Variants in CLEC3A observed in about 807,000 individuals in gnomAD.
The protein encoded by CLEC3A is C-type lectin domain family 3 member A.
Under a neutral mutation model 20.4 loss-of-function variants are expected in CLEC3A, and 28 were observed. The ratio of observed to expected loss-of-function variants is 1.37; its 90% CI spans 1.02 to 1.88. The LOEUF (loss-of-function observed/expected upper bound fraction) is 1.88. CLEC3A is among the 40% of genes most tolerant of loss of function. The pLI, the probability that CLEC3A is intolerant of heterozygous loss-of-function variation, is 0.00. For synonymous variants in CLEC3A, 110 were observed against 88.1 expected (o/e 1.25, Z -1.39); for missense variants, 357 against 240.4 (o/e 1.48, Z -3.21).
Position 78,022,672 on chromosome 16 carries a change from C to T in CLEC3A, c.46C>T (p.Leu16Phe). The change falls in exon 1 of 3, where the codon CTC becomes TTC. Residue 16 changes from leucine to phenylalanine, a missense_variant. Physicochemically the swap from Leu to Phe is conservative, Grantham distance 22 (BLOSUM62 0). Coordinates refer to ENST00000299642, the MANE Select transcript of CLEC3A (RefSeq NM_005752.6). Reference protein sequence around the residue: ...LVICILVITLLLDQTTSHTSR... With the variant: ...LVICILVITLFLDQTTSHTSR... ...AATTTGCATCCTGGTGATCACCTTA[C>T]TCCTGGACCAGACCACCAGCCACAC... is the stretch of plus-strand genomic sequence containing the variant. 1.2e-6 allele frequency: 2 copies of T among 1,614,162 alleles called. No homozygotes were observed. The highest frequency in any genetic ancestry group is 1.7e-6 in the Non-Finnish European group (2 of 1,180,020).
rs910134681 is a variant in CLEC3A at position 78,027,539 on chromosome 16, T to A, written c.116-568T>A. Among the ~76,000 whole-genome samples, 5 of 152,338 alleles carry A rather than the reference T, an allele frequency of 3.3e-5. 1 individual carries two copies. On this transcript the variant is annotated intron_variant, in intron 1 of 2. Transcript: ENST00000299642. ...GACTGGAGAGACAGAAGGAGCCTCA[T>A]CTCACAGAAGGACCTTCTAGTATTA...
At chr16:78,029,391 CAG>C (rs1261747296) in intron 2 of CLEC3A, among the ~76,000 whole-genome samples, 4 of 152,180 alleles carry the variant, frequency 2.6e-5, no homozygotes, top group African/African-American at 9.7e-5. Context: ...ATTTTTGAGA[CAG>C]AGTCTTGCAC....
chr16:78,024,171 G>T (rs936299825), intron 1 of CLEC3A, among the ~76,000 whole-genome samples: 1 of 152,128 alleles, frequency 6.6e-6, no homozygotes, highest in Admixed American at 6.5e-5. Context: ...AGATGGTATC[G>T]AAAGGAGAGG....
chr16:78,028,002 C>A, intron 1 of CLEC3A, 105 bp from the exon 2 acceptor site: 1 of 806,324 alleles, frequency 1.2e-6, no homozygotes, highest in South Asian at 1.5e-5. Context: ...GGCTCAGGTT[C>A]ACCAAAACCA....
chr16:78,027,381 A>G (rs1005848500), intron 1 of CLEC3A, among the ~76,000 whole-genome samples: 1 of 152,174 alleles, frequency 6.6e-6, no homozygotes, highest in African/African-American at 2.4e-5. Flanking sequence ...AAGAGGAGAT[A>G]TTTAAGCTTG....
At chr16:78,025,865 T>C (rs1022706565) in intron 1 of CLEC3A, among the ~76,000 whole-genome samples, 1 of 152,226 alleles carries the variant, frequency 6.6e-6, no homozygotes, top group Admixed American at 6.5e-5. Context: ...CCCAGGAGCC[T>C]AATATCAATT....
intron 1 of CLEC3A, among the ~76,000 whole-genome samples, chr16:78,026,872 T>C (rs989074148): frequency 5.9e-5 from 9 of 152,180 alleles, no homozygotes; most frequent in African/African-American, 2.2e-4. Context: ...ATACCTAATA[T>C]AGACGTATTT....
intron 1 of CLEC3A, 45 bp from the exon 2 acceptor site, chr16:78,028,062 C>A (rs183502763): frequency 2.3e-6 from 3 of 1,278,004 alleles, no homozygotes; most frequent in East Asian, 4.6e-5. Flanking sequence ...TTTAATCATA[C>A]GCTTTTCATC....
Position 78,030,746 on chromosome 16 carries a change from T to C in CLEC3A, c.499T>C (p.Cys167Arg). Residue 167 changes from cysteine to arginine, a missense_variant, in exon 3 of 3, where the codon TGT becomes CGT. Transcript: ENST00000299642. ...AQPNGGKREN[C>R]VLFSQSAQGK... ...GCCTAACGGTGGCAAGCGAGAAAAC[T>C]GTGTCCTGTTCTCCCAATCAGCTCA... The C allele has an allele frequency of 1.2e-6, 2 of 1,614,110 alleles. No homozygotes were observed. Among genetic ancestry groups the C allele is most frequent in the Non-Finnish European group, 1.7e-6 (2 of 1,180,004 alleles).
intron 2 of CLEC3A, among the ~76,000 whole-genome samples, chr16:78,028,618 C>T (rs1053681595): frequency 6.6e-6 from 1 of 152,334 alleles, no homozygotes. Flanking sequence ...GCAGCGCCAG[C>T]GTTCCTCCCC....
Position 78,030,565 on chromosome 16 carries a change from G to A in CLEC3A, c.318G>A (p.Arg106=). The change falls in exon 3 of 3, where the codon AGG becomes AGA. Residue 106 remains arginine, a synonymous_variant. Coordinates refer to ENST00000299642, the MANE Select transcript of CLEC3A (RefSeq NM_005752.6). ...AAGGAGGAATCCTGGTTATCCCCAG[G>A]AACTCCGACGAAATCAACGCCCTCC... ...ISKGGILVIP[R]NSDEINALQD... 6.2e-7 allele frequency: 1 copy of A among 1,614,128 alleles called. No individual in the cohort carries two copies.
intron 2 of CLEC3A, among the ~76,000 whole-genome samples, chr16:78,028,520 T>G (rs1443712800): frequency 6.6e-6 from 1 of 152,244 alleles, no homozygotes; most frequent in Non-Finnish European, 1.5e-5. Flanking sequence ...GATAGCTAAG[T>G]GCCTATCAGG....
chr16:78,031,498 G>C lies in CLEC3A; in HGVS notation c.*657G>C, dbSNP rs1398812941. The C allele has an allele frequency of 6.6e-6, 1 of 151,562 alleles. No individual in the cohort carries two copies. Among genetic ancestry groups the C allele is most frequent in the Non-Finnish European group, 1.5e-5 (1 of 67,964 alleles). The allele number at this position is 151,562 out of a possible 1,614,324, so 9.4% of individuals were successfully genotyped here. ...TTCCAGCCGCAATTTGAAATGAAAT[G>C]ACAAGGTGTATATTTGATCAATTTT... On this transcript the variant is annotated 3_prime_UTR_variant, in exon 3 of 3. Coordinates refer to ENST00000299642, the MANE Select transcript of CLEC3A (RefSeq NM_005752.6).
intron 1 of CLEC3A, among the ~76,000 whole-genome samples, chr16:78,027,181 CAGA>C (rs1426473180): frequency 6.6e-6 from 1 of 151,920 alleles, no homozygotes; most frequent in East Asian, 1.9e-4. Flanking sequence ...TGTTAAGCAT[CAGA>C]AGAACCAAGA....
At chr16:78,023,466 G>C (rs768474859) in intron 1 of CLEC3A, among the ~76,000 whole-genome samples, 7 of 152,088 alleles carry the variant, frequency 4.6e-5, no homozygotes, top group Non-Finnish European at 1.0e-4. Context: ...TGATGATAGC[G>C]AGGTGTTTGC....
intron 1 of CLEC3A, 52 bp downstream of exon 1, chr16:78,022,793 G>C: frequency 1.9e-6 from 3 of 1,589,478 alleles, no homozygotes; most frequent in Non-Finnish European, 2.6e-6. Context: ...AGTGTGGGGA[G>C]GTGCTGGACA....
intron 2 of CLEC3A, chr16:78,029,187 T>C (rs1429199449): frequency 2.2e-6 from 1 of 453,776 alleles, no homozygotes; most frequent in Non-Finnish European, 4.4e-6. Flanking sequence ...TAGTTAAATG[T>C]CAGAGATGAG....
In CLEC3A at chr16:78,022,595, G is replaced by T; in HGVS notation, c.-32G>T. ...TTCCATAGCTGCTCTAAGGGGGCTG[G>T]CAACATGGCTCAGCAGGCTTGCCCC... is the stretch of plus-strand genomic sequence containing the variant. On this transcript the variant is annotated 5_prime_UTR_variant, in exon 1 of 3. Transcript: ENST00000299642. 1 of 1,611,842 alleles carries T rather than the reference G, an allele frequency of 6.2e-7. No individual in the cohort carries two copies. The highest frequency in any genetic ancestry group is 1.1e-5 in the South Asian group (1 of 90,726).
At chr16:78,024,234 C>T (rs1304443766) in intron 1 of CLEC3A, among the ~76,000 whole-genome samples, 1 of 152,134 alleles carries the variant, frequency 6.6e-6, no homozygotes, top group African/African-American at 2.4e-5. Flanking sequence ...AGCGTTTCTT[C>T]ACTGCTGGAT....
Sources: allele counts gnomAD v4.1 joint callset (sites outside exome capture counted in the v4.1 genomes callset), GRCh38; gene constraint gnomAD v4.1.1; transcripts MANE v1.5; gene names NCBI Gene and HGNC (gene_info 2026-07-23, HGNC 2026-07-21).